KANSL1: variants seen among roughly 807,000 people sequenced by gnomAD.
The protein encoded by KANSL1 is KAT8 regulatory NSL complex subunit 1.
Under a neutral mutation model 103.6 loss-of-function variants are expected in KANSL1, and 22 were observed. That is an observed-to-expected ratio of 0.21 (90% confidence interval 0.15 to 0.30). The LOEUF (loss-of-function observed/expected upper bound fraction) is 0.30, where lower values mean the gene tolerates loss of function less well. Among genes scored for constraint, KANSL1 ranks in the 10% least tolerant of loss-of-function variants. The pLI, the probability that KANSL1 is intolerant of heterozygous loss-of-function variation, is 1.00. For synonymous variants in KANSL1, 600 were observed against 527.6 expected, an observed-to-expected ratio of 1.14 and a Z score of -1.88; for missense variants, 1,337 against 1,399.8, an observed-to-expected ratio of 0.96 and a Z score of 0.72.
At chr17:46,083,234 G>T (rs982384270) in intron 3 of KANSL1, among the ~76,000 whole-genome samples, 3 of 151,940 alleles carry the variant, frequency 2.0e-5, no homozygotes, top group Non-Finnish European at 4.4e-5. Context: ...AAGGCAGAAG[G>T]TATCTTATTA....
At chr17:46,178,448 C>G (rs1438115909) in intron 1 of KANSL1, among the ~76,000 whole-genome samples, 2 of 152,226 alleles carry the variant, frequency 1.3e-5, no homozygotes, top group Non-Finnish European at 2.9e-5. Flanking sequence ...AATAAAAATT[C>G]AAGCCCCAAA....
intron 2 of KANSL1, among the ~76,000 whole-genome samples, chr17:46,164,324 T>G (rs1395515505): frequency 1.3e-5 from 2 of 152,182 alleles, no homozygotes; most frequent in Non-Finnish European, 2.9e-5. Flanking sequence ...CAACAAGCAC[T>G]AAGAATGATT....
At chr17:46,070,340 G>C (rs1324622277) in intron 4 of KANSL1, among the ~76,000 whole-genome samples, 1 of 152,134 alleles carries the variant, frequency 6.6e-6, no homozygotes, top group Non-Finnish European at 1.5e-5. Context: ...TATAGTTGTA[G>C]TGACTAAAAA....
chr17:46,144,796 C>G (rs1188442853), intron 2 of KANSL1, among the ~76,000 whole-genome samples: 1 of 151,572 alleles, frequency 6.6e-6, no homozygotes, highest in African/African-American at 2.4e-5. Flanking sequence ...CTGCCCTTAG[C>G]TTTCTATGTG....
At position 46,031,505 on chromosome 17, in the gene KANSL1, C is replaced by T; in HGVS notation, c.3289G>A (p.Ala1097Thr). The T allele has an allele frequency of 6.2e-7, 1 of 1,613,098 alleles. No homozygotes were observed. The highest frequency in any genetic ancestry group is 8.5e-7 in the Non-Finnish European group (1 of 1,179,554). The change falls in exon 15 of 15, where the codon GCC (alanine) becomes ACC (threonine). Residue 1097 changes from alanine to threonine, a missense_variant. By Grantham distance (58) the Ala-to-Thr change is moderately conservative. Coordinates refer to ENST00000432791, the MANE Select transcript of KANSL1 (RefSeq NM_015443.4). ...CTGTGAGTCGGGCGCTGAGCTGTGG[C>T]TGCTGCCACCAGATGCCGACTCTTG... The part of the protein sequence containing the change: ...PLKSRHLVAA[A>T]TAQRPTHR
Position 46,039,794 on chromosome 17 carries a change from G to A in KANSL1, c.2111C>T (p.Ser704Leu), listed in dbSNP as rs762407803. 63 of 1,614,080 alleles carry A rather than the reference G, an allele frequency of 3.9e-5. No homozygotes were observed. Among genetic ancestry groups the A allele is most frequent in the South Asian group, 1.1e-4 (10 of 91,090 alleles). Residue 704 changes from serine (S) to leucine (L), a missense_variant, in exon 8 of 15, where the codon TCG (serine) becomes TTG (leucine). Transcript: ENST00000432791. ...FDKIKPPKKL[S>L]LKHRAPMPGS... ...CGGCATGGGTGCTCTGTGCTTAAGC[G>A]ATAACTTTTTGGGAGGTTTGATTTT...
intron 1 of KANSL1, among the ~76,000 whole-genome samples, chr17:46,206,708 T>A (rs1481348792): frequency 2.0e-5 from 3 of 152,250 alleles, no homozygotes; most frequent in Non-Finnish European, 4.4e-5. Flanking sequence ...TAGACCTAAA[T>A]GTAACAGCTA....
intron 2 of KANSL1, among the ~76,000 whole-genome samples, chr17:46,139,145 C>T (rs1048638370): frequency 2.6e-5 from 4 of 152,142 alleles, no homozygotes. Flanking sequence ...AAAACAATAC[C>T]TAGGACATCA....
At chr17:46,155,934 CA>C (rs1419407112) in intron 2 of KANSL1, among the ~76,000 whole-genome samples, 1 of 152,030 alleles carries the variant, frequency 6.6e-6, no homozygotes, top group East Asian at 1.9e-4. Flanking sequence ...CCCTATCTCT[CA>C]AAAGAAAACA....
rs34473927 is a variant in KANSL1, at chr17:46,052,964, C to CAAAAAAAA, written c.1849-2268_1849-2261dup. ...GGGAAAAAGAGTAAGATCCTGTCTC[C>CAAAAAAAA]AAAAAAAAAAAAAAAAAAAAAAAAA... On this transcript the variant is annotated intron_variant, in intron 6 of 14. Coordinates refer to ENST00000432791, the MANE Select transcript of KANSL1 (RefSeq NM_015443.4). Among the ~76,000 whole-genome samples the CAAAAAAAA allele has an allele frequency of 8.8e-4, 29 of 33,002 alleles. 4 individuals carry two copies. The highest frequency in any genetic ancestry group is 1.2e-3 in the Non-Finnish European group (20 of 17,132). 21.7% of individuals were successfully genotyped at this position (33,002 alleles called of 152,430 possible).
intron 2 of KANSL1, among the ~76,000 whole-genome samples, chr17:46,138,166 A>C (rs1045701917): frequency 5.3e-5 from 8 of 152,206 alleles, no homozygotes; most frequent in African/African-American, 1.9e-4. Flanking sequence ...AAAAGTTCCC[A>C]AAATAGGAAA....
intron 2 of KANSL1, among the ~76,000 whole-genome samples, chr17:46,120,675 G>A (rs1003929923): frequency 7.9e-5 from 12 of 152,142 alleles, no homozygotes; most frequent in African/African-American, 2.9e-4. Context: ...TGAGTAGACA[G>A]CAGAGTACCC....
intron 1 of KANSL1, among the ~76,000 whole-genome samples, chr17:46,174,522 T>G (rs1015278797): frequency 6.6e-6 from 1 of 152,236 alleles, no homozygotes; most frequent in Non-Finnish European, 1.5e-5. Flanking sequence ...TTTAACAGAC[T>G]TGTGACGATA....
intron 2 of KANSL1, among the ~76,000 whole-genome samples, chr17:46,138,048 CCAT>C (rs1428726225): frequency 6.8e-6 from 1 of 147,156 alleles, no homozygotes; most frequent in Non-Finnish European, 1.5e-5. Flanking sequence ...CTGCCCTACA[CCAT>C]CAAGTTAGCC....
intron 1 of KANSL1, among the ~76,000 whole-genome samples, chr17:46,207,176 G>A (rs2732669): frequency 0.14 from 21,951 of 152,058 alleles, 2,158 homozygotes; most frequent in Middle Eastern, 0.22. Context: ...TCAGGAGCTT[G>A]AGGCAGAAGG....
intron 6 of KANSL1, among the ~76,000 whole-genome samples, chr17:46,056,196 G>A (rs1001055932): frequency 1.5e-4 from 23 of 152,090 alleles, no homozygotes; most frequent in Non-Finnish European, 3.2e-4. Context: ...CGGGGGTTTC[G>A]CCATGCTGGC....
Position 46,050,716 on chromosome 17 carries a change from G to A in KANSL1, c.1849-12C>T. ...CTGTTCCGGTGAACCTGTGAAAAAA[G>A]CCAAACAAAACTGACAATTCAGCAT... On this transcript the variant is annotated splice_polypyrimidine_tract_variant and intron_variant, in intron 6 of 14. Coordinates refer to ENST00000432791, the MANE Select transcript of KANSL1 (RefSeq NM_015443.4). 1 of 1,601,324 alleles carries A rather than the reference G, an allele frequency of 6.2e-7. No homozygotes were observed. Among genetic ancestry groups the A allele is most frequent in the Non-Finnish European group, 8.5e-7 (1 of 1,170,832 alleles).
intron 6 of KANSL1, among the ~76,000 whole-genome samples, chr17:46,058,525 A>T (rs1325775537): frequency 7.9e-5 from 12 of 152,262 alleles, no homozygotes; most frequent in Admixed American, 7.9e-4. Context: ...TTAAAACATA[A>T]ATAAAACATT....
chr17:46,152,226 C>T (rs1166803173), intron 2 of KANSL1, among the ~76,000 whole-genome samples: 1 of 152,234 alleles, frequency 6.6e-6, no homozygotes, highest in Non-Finnish European at 1.5e-5. Context: ...ATCATAAAAA[C>T]ATTTTAAACA....
Sources: allele counts gnomAD v4.1 joint callset (sites outside exome capture counted in the v4.1 genomes callset), GRCh38; gene constraint gnomAD v4.1.1; transcripts MANE v1.5; gene names NCBI Gene and HGNC (gene_info 2026-07-23, HGNC 2026-07-21).